DENND2B: variants seen among roughly 807,000 people sequenced by gnomAD.
DENND2B encodes DENN domain-containing protein 2B.
In DENND2B, 32 loss-of-function variants were observed where a neutral mutation model predicts 116.0. The ratio of observed to expected loss-of-function variants is 0.28; its 90% CI spans 0.21 to 0.37. The LOEUF is 0.37. Ranked by LOEUF, DENND2B falls within the 10% of genes least tolerant of loss-of-function variation. DENND2B has a pLI of 1.00. For missense variants in DENND2B, 1,276 were observed against 1,477.7 expected, an observed-to-expected ratio of 0.86 and a Z score of 2.24; for synonymous variants, 588 against 583.9, an observed-to-expected ratio of 1.01 and a Z score of -0.10.
intron 3 of DENND2B, among the ~76,000 whole-genome samples, chr11:8,727,835 C>T (rs1421261719): frequency 6.6e-6 from 1 of 151,922 alleles, no homozygotes; most frequent in Non-Finnish European, 1.5e-5. Flanking sequence ...TGAAAATCCC[C>T]CAGGAAGGTG....
rs780881197 is a variant in DENND2B, at chr11:8,730,393, C to A, written c.897G>T (p.Gly299=). 1.2e-6 allele frequency: 2 copies of A among 1,605,240 alleles called. No homozygotes were observed. Among genetic ancestry groups the A allele is most frequent in the East Asian group, 2.2e-5 (1 of 44,860 alleles). ...AGCAGCTGCTGGGGAGCTGGGGGAGCCCCCGGCCCGGCTGCTCCTTCAGGA... is the reference window on the plus strand; with the variant it reads ...AGCAGCTGCTGGGGAGCTGGGGGAGACCCCGGCCCGGCTGCTCCTTCAGGA... The part of the protein sequence containing the change: ...EQVLKEQPGR[G]LPQLPSSCYS... The change falls in exon 3 of 20, where the codon GGG becomes GGT. Residue 299 remains glycine (G), a synonymous_variant. Coordinates refer to ENST00000313726, the MANE Select transcript of DENND2B (RefSeq NM_213618.2). This position sits in a 1 kb window ranked among gnomAD's most constrained non-coding sequence, Gnocchi z 4.1.
intron 1 of DENND2B, among the ~76,000 whole-genome samples, chr11:8,907,721 G>T (rs971985023): frequency 2.0e-5 from 3 of 151,744 alleles, no homozygotes; most frequent in African/African-American, 7.3e-5. Context: ...CTTAAGATAG[G>T]TTCTTACTCT....
chr11:8,806,605 A>AAAACACACACACACACACACACAC (rs372362474), intron 1 of DENND2B, among the ~76,000 whole-genome samples: 6 of 118,576 alleles, frequency 5.1e-5, no homozygotes, highest in Admixed American at 9.2e-5. Context: ...CTCCCTTCAA[A>AAAACACACACACACACACACACAC]ACACACACAC....
intron 1 of DENND2B, among the ~76,000 whole-genome samples, chr11:8,751,947 A>C (rs1228688123): frequency 6.6e-6 from 1 of 152,222 alleles, no homozygotes; most frequent in Non-Finnish European, 1.5e-5. Flanking sequence ...ATTCTAAACA[A>C]TAAACTATTC....
chr11:8,718,104 A>ACCCCCCCACC (rs1555123906), intron 4 of DENND2B: 5 of 59,582 alleles, frequency 8.4e-5, no homozygotes, highest in Non-Finnish European at 1.2e-4. Flanking sequence ...CCACCCCCCC[A>ACCCCCCCACC]CCCCCCCCAA....
chr11:8,870,522 TGTGCGC>T (rs1487352751), intron 2 of DENND2B, among the ~76,000 whole-genome samples: 3 of 151,574 alleles, frequency 2.0e-5, no homozygotes, highest in Admixed American at 2.0e-4. Context: ...TGTGTGTGTG[TGTGCGC>T]GCGCGCGCGC....
intron 2 of DENND2B, chr11:8,877,614 A>G (rs2063858339): frequency 1.3e-5 from 2 of 152,218 alleles, no homozygotes; most frequent in Admixed American, 6.5e-5. Context: ...TCAGTCTTAG[A>G]TTTAATGAAT....
chr11:8,719,110 A>G (rs2045667322), intron 4 of DENND2B: 1 of 985,518 alleles, frequency 1.0e-6, no homozygotes, highest in South Asian at 4.7e-5. Flanking sequence ...GCCCCAGAGG[A>G]ACTCAGACCC....
In DENND2B at chr11:8,715,638, G is replaced by T. The variant is rs771946581; in HGVS notation, c.1810C>A (p.Leu604Met). 1.2e-6 allele frequency: 2 copies of T among 1,613,728 alleles called. No individual in the cohort carries two copies. The highest frequency in any genetic ancestry group is 1.7e-6 in the Non-Finnish European group (2 of 1,179,766). The change falls in exon 6 of 20, where the codon CTG becomes ATG. Residue 604 changes from leucine (L) to methionine (M), a missense_variant. Leu to Met is a conservative substitution (Grantham distance 15). Around this residue, in one of 2 missense-constraint regions of DENND2B, gnomAD observed 856 missense variants for 846.6 expected, o/e 1.01. Coordinates refer to ENST00000313726, the MANE Select transcript of DENND2B (RefSeq NM_213618.2). ...NEDSLSTTSE[L>M]LSSRRARRIP... ...CGGCGGGCCCGGCGGCTGGACAGCA[G>T]CTCGCTGGTGGTGCTGAGGCTGTCT...
intron 16 of DENND2B, 188 bp from the exon 17 acceptor site, chr11:8,697,824 T>C (rs2040650018): frequency 3.3e-6 from 2 of 606,972 alleles, no homozygotes; most frequent in Non-Finnish European, 5.9e-6. Context: ...TGCCCAAGAT[T>C]ACAGAGATTA....
chr11:8,900,054 G>T (rs2064145324), intron 1 of DENND2B, among the ~76,000 whole-genome samples: 1 of 152,142 alleles, frequency 6.6e-6, no homozygotes, highest in African/African-American at 2.4e-5. Context: ...ACTTTAGGAG[G>T]CCGAGATGGG....
intron 15 of DENND2B, 32 bp downstream of exon 15, chr11:8,699,181 C>A: frequency 6.5e-7 from 1 of 1,536,926 alleles, no homozygotes. Context: ...CCCCTCCACC[C>A]TTCCCCCCAG....
At chr11:8,749,851 CT>C (rs749937967) in intron 2 of DENND2B, among the ~76,000 whole-genome samples, 63 of 152,192 alleles carry the variant, frequency 4.1e-4, no homozygotes, top group Non-Finnish European at 7.6e-4. Context: ...ACTAAAGGTT[CT>C]TTTAAGATAT....
chr11:8,727,580 T>C (rs984222365), intron 3 of DENND2B, among the ~76,000 whole-genome samples: 2 of 152,202 alleles, frequency 1.3e-5, no homozygotes, highest in African/African-American at 4.8e-5. Flanking sequence ...GGACCAAATA[T>C]CCATGGGCCA....
intron 2 of DENND2B, among the ~76,000 whole-genome samples, chr11:8,741,643 T>C (rs369591237): frequency 2.9e-4 from 44 of 152,294 alleles, no homozygotes; most frequent in African/African-American, 2.2e-4. Flanking sequence ...GCTTGATTGA[T>C]AGCATACAAT....
At chr11:8,799,173 A>AT (rs2060091941) in intron 1 of DENND2B, among the ~76,000 whole-genome samples, 1 of 152,224 alleles carries the variant, frequency 6.6e-6, no homozygotes, top group South Asian at 2.1e-4. Flanking sequence ...CTGGGTACTT[A>AT]TTAGAGTTCA....
chr11:8,782,754 G>C (rs1023850382), intron 1 of DENND2B, among the ~76,000 whole-genome samples: 2 of 151,726 alleles, frequency 1.3e-5, no homozygotes, highest in Non-Finnish European at 2.9e-5. Flanking sequence ...GGGCGTGGGG[G>C]TGGGTGCCTG....
At chr11:8,724,705 ACAAGAGGAACTGACAGTTC>A (rs992721629) in intron 4 of DENND2B, among the ~76,000 whole-genome samples, 1 of 152,210 alleles carries the variant, frequency 6.6e-6, no homozygotes, top group Non-Finnish European at 1.5e-5. Context: ...CTTCTTCTGA[ACAAGAGGAACTGACAGTTC>A]CAGACTGTAT....
chr11:8,707,446 C>T lies in DENND2B; in HGVS notation c.2431-221G>A, dbSNP rs1015437390. On this transcript the variant is annotated intron_variant, in intron 12 of 19. Coordinates refer to ENST00000313726, the MANE Select transcript of DENND2B (RefSeq NM_213618.2). The surrounding 1 kb of genome is among the most constrained non-coding windows in gnomAD (Gnocchi z 4.8). ...CTGGCCTTGCTTCAGTCCCCAAGAG[C>T]GGAGTAGCTGGGCAAAGGAAATACC... Among the ~76,000 whole-genome samples, 3 of 152,240 alleles carry T rather than the reference C, an allele frequency of 2.0e-5. No homozygotes were observed. The highest frequency in any genetic ancestry group is 4.4e-5 in the Non-Finnish European group (3 of 68,046).
Sources: gnomAD v4.1 joint callset for allele counts (sites outside exome capture counted in the v4.1 genomes callset) on GRCh38, gnomAD v4.1.1 for gene constraint, gnomAD v4.1.1 regional missense constraint, Gnocchi (gnomAD v3.1) non-coding constraint, MANE v1.5 for transcripts, NCBI Gene and HGNC (gene_info 2026-07-23, HGNC 2026-07-21) for gene names.